Variants in LYST observed in about 807,000 individuals in gnomAD.
The protein encoded by LYST is lysosomal trafficking regulator.
LYST carries 192 observed loss-of-function variants against 413.6 expected under a neutral mutation model. That is an observed-to-expected ratio of 0.46 (90% CI 0.41 to 0.52). LYST has a LOEUF of 0.52. Ranked by LOEUF, LYST falls within the 20% of genes least tolerant of loss-of-function variation. The pLI, the probability that LYST is intolerant of heterozygous loss-of-function variation, is 0.00. For missense variants in LYST, 3,815 were observed against 4,499.9 expected (o/e 0.85, Z 4.35); for synonymous variants, 1,525 against 1,567.3 (o/e 0.97, Z 0.64).
intron 8 of LYST, among the ~76,000 whole-genome samples, chr1:235,802,127 G>A (rs1370102412): frequency 6.8e-6 from 1 of 147,252 alleles, no homozygotes; most frequent in East Asian, 2.0e-4. Flanking sequence ...CTGGGAGATG[G>A]AGGTTGCAGT....
rs539653810 is a variant in LYST at position 235,686,719 on chromosome 1, A to T, written c.10800+230T>A. 6.6e-6 allele frequency among the ~76,000 whole-genome samples: 1 copy of T among 152,356 alleles called. No individual in the cohort carries two copies. The highest frequency in any genetic ancestry group is 1.5e-5 in the Non-Finnish European group (1 of 68,032). ...TCATTTAAAAGCCTAAATACAAAAC[A>T]GATCTAACTCAAAATACCGTCTCTG... On this transcript the variant is annotated intron_variant, in intron 48 of 52. Coordinates refer to ENST00000389793, the MANE Select transcript of LYST (RefSeq NM_000081.4). The surrounding 1 kb of genome is among the most constrained non-coding windows in gnomAD (Gnocchi z 4.0).
intron 50 of LYST, among the ~76,000 whole-genome samples, chr1:235,669,225 G>T (rs1238788272): frequency 6.6e-6 from 1 of 152,178 alleles, no homozygotes; most frequent in African/African-American, 2.4e-5. Context: ...TCAACCACAT[G>T]ATTGAGGACT....
chr1:235,662,895 A>G lies in LYST; in HGVS notation c.*45T>C. On this transcript the variant is annotated 3_prime_UTR_variant, in exon 53 of 53. Transcript: ENST00000389793. ...TAAAACTGGTGAAGTCAACAAATCT[A>G]GTTTGGAGTTAAAGTGCTTTGGAGA... 1.9e-6 allele frequency: 2 copies of G among 1,060,836 alleles called. No homozygotes were observed. The highest frequency in any genetic ancestry group is 3.0e-6 in the Non-Finnish European group (2 of 674,362). 65.7% of individuals were successfully genotyped at this position (1,060,836 alleles called of 1,614,324 possible).
chr1:235,729,811 T>C (rs2103202396), intron 36 of LYST, among the ~76,000 whole-genome samples, 154 bp from the exon 37 acceptor site: 1 of 152,322 alleles, frequency 6.6e-6, no homozygotes, highest in South Asian at 2.1e-4. Context: ...ATGAAAATAT[T>C]AGCTCCTTTT....
chr1:235,813,102 T>C, intron 3 of LYST, 41 bp from the exon 4 acceptor site: 1 of 1,142,142 alleles, frequency 8.8e-7, no homozygotes, highest in East Asian at 2.4e-5. Flanking sequence ...TCTAAGGCGA[T>C]AAGACACATC....
In LYST at chr1:235,808,507, G is replaced by C. The variant is rs1673114987; in HGVS notation, c.2311C>G (p.Gln771Glu). The change falls in exon 5 of 53, where the codon CAG (glutamine) becomes GAG (glutamate). Residue 771 changes from glutamine to glutamate, a missense_variant. By Grantham distance (29) the Gln-to-Glu change is conservative. This residue lies in a region of LYST where 1,648 missense variants were observed against 1,810.3 expected (regional missense o/e 0.91). Transcript: ENST00000389793. ...VCSHHNQCLP[Q>E]DVLQIYVKTL... ...TTTACATAAATCTGAAGCACGTCCTGAGGCAAGCACTGGTTATGATGGCTA... is the reference window on the plus strand; with the variant it reads ...TTTACATAAATCTGAAGCACGTCCTCAGGCAAGCACTGGTTATGATGGCTA... The C allele has an allele frequency of 3.9e-5, 63 of 1,613,564 alleles. No homozygotes were observed. The highest frequency in any genetic ancestry group is 5.3e-5 in the Non-Finnish European group (62 of 1,179,898).
In LYST at chr1:235,766,072, T is replaced by C. The variant is rs1236465608; in HGVS notation, c.6121+7A>G. ...AGCCATGATCTAACAAAAATGATTA[T>C]ACCTACCTATGTGCAAAGAAAAGTA... is the stretch of plus-strand genomic sequence containing the variant. On this transcript the variant is annotated splice_region_variant and intron_variant, in intron 21 of 52. Coordinates refer to ENST00000389793, the MANE Select transcript of LYST (RefSeq NM_000081.4). 1.9e-6 allele frequency: 3 copies of C among 1,600,754 alleles called. No individual in the cohort carries two copies. The highest frequency in any genetic ancestry group is 1.7e-5 in the Admixed American group (1 of 59,988).
rs755653941 is a variant in LYST, at chr1:235,662,204, A to G, written c.*736T>C. On this transcript the variant is annotated 3_prime_UTR_variant, in exon 53 of 53. Transcript: ENST00000389793. ...AGTGACTCAACTAAGGATAGTCAATATCTAGCGTTACAGATTTTAAGTAAA... is the reference window on the plus strand; with the variant it reads ...AGTGACTCAACTAAGGATAGTCAATGTCTAGCGTTACAGATTTTAAGTAAA... The G allele has an allele frequency of 6.5e-6, 1 of 152,930 alleles. No individual in the cohort carries two copies. The highest frequency in any genetic ancestry group is 2.4e-5 in the African/African-American group (1 of 41,478). The allele number at this position is 152,930 out of a possible 1,614,324, so 9.5% of individuals were successfully genotyped here. A position where few individuals can be genotyped will look rare whatever the true frequency, so the allele number is the denominator to read the frequency against.
At chr1:235,714,068 CTTT>C (rs1662627956) in intron 42 of LYST, among the ~76,000 whole-genome samples, 1 of 152,052 alleles carries the variant, frequency 6.6e-6, no homozygotes, top group Non-Finnish European at 1.5e-5. Context: ...CTGAAATATT[CTTT>C]TTTATTTTGA....
chr1:235,882,108 A>ACACACACACACACACACACACAC (rs1553330425), intron 1 of LYST, among the ~76,000 whole-genome samples: 2 of 151,702 alleles, frequency 1.3e-5, no homozygotes, highest in African/African-American at 4.8e-5. Context: ...ACACACACAC[A>ACACACACACACACACACACACAC]AATAGGAGGC....
rs763475971 is a variant in LYST, at chr1:235,677,148, C to A, written c.10981G>T (p.Val3661Phe). 6.2e-7 allele frequency: 1 copy of A among 1,614,026 alleles called. No homozygotes were observed. Among genetic ancestry groups the A allele is most frequent in the Admixed American group, 1.7e-5 (1 of 60,020 alleles). The change falls in exon 50 of 53, where the codon GTC becomes TTC. Residue 3661 changes from valine to phenylalanine, a missense_variant. Val to Phe is a conservative substitution (Grantham distance 50). This residue lies in a region of LYST where 866 missense variants were observed against 1,156.0 expected (regional missense o/e 0.75). Transcript: ENST00000389793. ...VQSLAGHKSP[V>F]TAVSASETSG... is the part of the protein sequence containing the mutation. The stretch of plus-strand genomic sequence containing the variant: ...GTTTCACTGGCAGAGACAGCTGTGA[C>A]AGGGCTTTTGTGTCCCGCCAGACTT...
chr1:235,736,895 C>T (rs541987536), intron 31 of LYST: 5 of 151,774 alleles, frequency 3.3e-5, no homozygotes, highest in East Asian at 3.9e-4. Flanking sequence ...ATAAGAGGAG[C>T]GGAAAGGGAT....
rs1382996236 is a variant in LYST, at chr1:235,661,040, CTA to C, written c.*1898_*1899del. 1.3e-5 allele frequency: 2 copies of C among 152,498 alleles called. No homozygotes were observed. The highest frequency in any genetic ancestry group is 4.8e-5 in the African/African-American group (2 of 41,400). 9.4% of individuals were successfully genotyped at this position (152,498 alleles called of 1,614,324 possible). On this transcript the variant is annotated 3_prime_UTR_variant, in exon 53 of 53. Coordinates refer to ENST00000389793, the MANE Select transcript of LYST (RefSeq NM_000081.4). Reference sequence around the variant, plus strand: ...TAGCTTAAAGAAGAGGTGTTTACATCTATTTTTATGAAATTTATTTCCAAATT... The same window carrying C: ...TAGCTTAAAGAAGAGGTGTTTACATCTTTTTATGAAATTTATTTCCAAATT...
chr1:235,802,798 G>C, intron 8 of LYST, 110 bp downstream of exon 8: 1 of 967,122 alleles, frequency 1.0e-6, no homozygotes, highest in East Asian at 2.5e-5. Flanking sequence ...CAACACACTT[G>C]TTAAACTGTA....
At position 235,716,680 on chromosome 1, in the gene LYST, T is replaced by C. The variant is rs755471198; in HGVS notation, c.9627+32A>G. 5 of 1,407,020 alleles carry C rather than the reference T, an allele frequency of 3.6e-6. No homozygotes were observed. In the Admixed American group the frequency reaches 5.2e-5, roughly 15 times the overall value. The allele number at this position is 1,407,020 out of a possible 1,614,324, so 87.2% of individuals were successfully genotyped here. ...CTGTAAAACAAAACACAATTTTTCATTTAATAAAGTACGAGTAAAAACAAA... is the reference window on the plus strand; with the variant it reads ...CTGTAAAACAAAACACAATTTTTCACTTAATAAAGTACGAGTAAAAACAAA... On this transcript the variant is annotated intron_variant, in intron 41 of 52. Transcript: ENST00000389793.
At chr1:235,715,136 T>G in intron 42 of LYST, 65 bp downstream of exon 42, 1 of 1,239,800 alleles carries the variant, frequency 8.1e-7, no homozygotes, top group Non-Finnish European at 1.2e-6. Flanking sequence ...TCCTAAGTTG[T>G]TGTTGTTGTT....
intron 7 of LYST, among the ~76,000 whole-genome samples, chr1:235,803,354 A>G (rs1487139981): frequency 6.6e-6 from 1 of 152,156 alleles, no homozygotes; most frequent in Non-Finnish European, 1.5e-5. Context: ...ACAATTGGAA[A>G]TGACAAAAAA....
chr1:235,728,576 C>T (rs1268659630), intron 37 of LYST, among the ~76,000 whole-genome samples: 1 of 152,186 alleles, frequency 6.6e-6, no homozygotes, highest in Non-Finnish European at 1.5e-5. Context: ...GACTGAGACA[C>T]TCAATAGGGT....
intron 45 of LYST, among the ~76,000 whole-genome samples, chr1:235,698,442 A>G (rs1661271390): frequency 6.6e-6 from 1 of 152,210 alleles, no homozygotes; most frequent in African/African-American, 2.4e-5. Flanking sequence ...GTATCTCTGG[A>G]AAAGCTTAAG....
Sources: gnomAD v4.1 joint callset for allele counts (sites outside exome capture counted in the v4.1 genomes callset) on GRCh38, gnomAD v4.1.1 for gene constraint, gnomAD v4.1.1 regional missense constraint, Gnocchi (gnomAD v3.1) non-coding constraint, MANE v1.5 for transcripts, NCBI Gene and HGNC (gene_info 2026-07-23, HGNC 2026-07-21) for gene names.